The following EFCAB11 variants were observed in gnomAD, a reference collection of about 807,000 sequenced individuals.
The protein encoded by EFCAB11 is EF-hand calcium binding domain 11, also known as EF-hand calcium-binding domain-containing protein 11.
In EFCAB11, 14 loss-of-function variants were observed where a neutral mutation model predicts 23.0. That is an observed-to-expected ratio of 0.61 (90% CI 0.40 to 0.95). EFCAB11 has a LOEUF of 0.95. EFCAB11 is among the 40% of genes least tolerant of loss of function. The pLI is 0.00. For missense variants in EFCAB11, 198 were observed against 195.8 expected (o/e 1.01, Z -0.07); for synonymous variants, 65 against 66.6 (o/e 0.98, Z 0.11).
chr14:89,869,117 C>T (rs898411852), intron 5 of EFCAB11, among the ~76,000 whole-genome samples: 2 of 152,120 alleles, frequency 1.3e-5, no homozygotes, highest in African/African-American at 4.8e-5. Flanking sequence ...GCAGGAAGAT[C>T]ACTTGAGCCA....
At position 89,861,498 on chromosome 14, in the gene EFCAB11, C is replaced by T. The variant is rs1181554403; in HGVS notation, c.411-64174G>A. Among the ~76,000 whole-genome samples the T allele has an allele frequency of 2.0e-5, 3 of 152,198 alleles. No individual in the cohort carries two copies. The East Asian group carries it at 5.8e-4, about 29-fold the overall frequency. On this transcript the variant is annotated intron_variant, in intron 5 of 5. Coordinates refer to ENST00000316738, the MANE Select transcript of EFCAB11 (RefSeq NM_145231.4). ...GATGAAGACCTTTCTCATCATGTCC[C>T]TTCCTTGCCCAAGAATTAGTACATG...
At chr14:89,812,950 CAAT>C (rs1877825792) in intron 5 of EFCAB11, among the ~76,000 whole-genome samples, 1 of 151,760 alleles carries the variant, frequency 6.6e-6, no homozygotes, top group Non-Finnish European at 1.5e-5. Flanking sequence ...TAAAAGAAAA[CAAT>C]AAGCTGGAAA....
chr14:89,927,668 A>C (rs1423286098), intron 5 of EFCAB11, among the ~76,000 whole-genome samples: 2 of 151,794 alleles, frequency 1.3e-5, no homozygotes, highest in African/African-American at 4.8e-5. Flanking sequence ...GCCTACTTCA[A>C]TTTACACAAA....
At chr14:89,920,410 G>A (rs1889985847) in intron 5 of EFCAB11, among the ~76,000 whole-genome samples, 1 of 152,212 alleles carries the variant, frequency 6.6e-6, no homozygotes, top group Non-Finnish European at 1.5e-5. Flanking sequence ...CCTACCTTCA[G>A]GGTCTCTAAC....
At chr14:89,811,010 G>A (rs1886133711) in intron 5 of EFCAB11, among the ~76,000 whole-genome samples, 1 of 152,088 alleles carries the variant, frequency 6.6e-6, no homozygotes, top group Non-Finnish European at 1.5e-5. Context: ...AAGGTTCTAG[G>A]AGAGGGTGGG....
intron 5 of EFCAB11, among the ~76,000 whole-genome samples, chr14:89,823,671 A>G (rs1384800686): frequency 6.6e-6 from 1 of 152,226 alleles, no homozygotes; most frequent in East Asian, 1.9e-4. Flanking sequence ...GTTGACAAGA[A>G]CTTTTAATTA....
At chr14:89,814,586 C>T (rs1261088983) in intron 5 of EFCAB11, among the ~76,000 whole-genome samples, 1 of 152,052 alleles carries the variant, frequency 6.6e-6, no homozygotes, top group Non-Finnish European at 1.5e-5. Flanking sequence ...TGCCTGTAAT[C>T]CCAGCTACTC....
At chr14:89,902,509 T>C (rs1889371585) in intron 5 of EFCAB11, among the ~76,000 whole-genome samples, 1 of 152,128 alleles carries the variant, frequency 6.6e-6, no homozygotes, top group Non-Finnish European at 1.5e-5. Context: ...ATAACCACTT[T>C]CCAGTAGATT....
intron 5 of EFCAB11, among the ~76,000 whole-genome samples, chr14:89,797,936 T>G (rs1885631601): frequency 6.6e-6 from 1 of 151,380 alleles, no homozygotes; most frequent in African/African-American, 2.4e-5. Context: ...CCATCTCAAT[T>G]AAGAAAAAAA....
intron 5 of EFCAB11, among the ~76,000 whole-genome samples, chr14:89,824,046 T>C (rs1322166577): frequency 2.6e-5 from 4 of 152,008 alleles, no homozygotes; most frequent in Non-Finnish European, 4.4e-5. Flanking sequence ...TTGTGCAAAT[T>C]TGATGAAAAC....
At chr14:89,876,092 T>C (rs774944955) in intron 5 of EFCAB11, among the ~76,000 whole-genome samples, 1 of 152,136 alleles carries the variant, frequency 6.6e-6, no homozygotes, top group African/African-American at 2.4e-5. Flanking sequence ...GTGGAGCTGG[T>C]AGAAGTGACA....
intron 5 of EFCAB11, among the ~76,000 whole-genome samples, chr14:89,841,562 C>A (rs1406574380): frequency 1.3e-5 from 2 of 152,074 alleles, no homozygotes; most frequent in Non-Finnish European, 2.9e-5. Context: ...CTCCTCGTTA[C>A]TAAGTCAAAA....
chr14:89,799,199 G>A (rs538502291), intron 5 of EFCAB11: 5 of 152,306 alleles, frequency 3.3e-5, no homozygotes, highest in Admixed American at 6.5e-5. Flanking sequence ...TATTCATAAC[G>A]TGTGGGGTGG....
chr14:89,914,061 T>G (rs1889761371), intron 5 of EFCAB11, among the ~76,000 whole-genome samples: 1 of 152,228 alleles, frequency 6.6e-6, no homozygotes, highest in African/African-American at 2.4e-5. Flanking sequence ...AGCAACCCTG[T>G]GCTCCCTTCT....
chr14:89,872,324 C>A (rs530456569), intron 5 of EFCAB11, among the ~76,000 whole-genome samples: 5 of 152,156 alleles, frequency 3.3e-5, no homozygotes, highest in African/African-American at 4.8e-5. Flanking sequence ...GAAAGCCACA[C>A]GCGCAAAGGC....
In EFCAB11 at chr14:89,926,131, A is replaced by G. The variant is rs1189942362; in HGVS notation, c.410+5410T>C. 2.6e-5 allele frequency among the ~76,000 whole-genome samples: 4 copies of G among 152,314 alleles called. No homozygotes were observed. In the East Asian group the frequency reaches 7.7e-4, roughly 29 times the overall value. Reference sequence around the variant, plus strand: ...CACCCACCCGAAAGTTTTAAGTTTCAAACACTGAAAAAAGTCTCAAATTTT... The same window carrying G: ...CACCCACCCGAAAGTTTTAAGTTTCGAACACTGAAAAAAGTCTCAAATTTT... On this transcript the variant is annotated intron_variant, in intron 5 of 5. Coordinates refer to ENST00000316738, the MANE Select transcript of EFCAB11 (RefSeq NM_145231.4).
chr14:89,930,899 C>T (rs554611962), intron 5 of EFCAB11: 1 of 152,252 alleles, frequency 6.6e-6, no homozygotes, highest in Non-Finnish European at 1.5e-5. Context: ...GACAGCTCTG[C>T]TGTGTTCTCA....
At chr14:89,898,877 T>C (rs1173604431) in intron 5 of EFCAB11, among the ~76,000 whole-genome samples, 1 of 151,922 alleles carries the variant, frequency 6.6e-6, no homozygotes, top group Non-Finnish European at 1.5e-5. Context: ...TCCTGCTATG[T>C]TGCCCAGGCT....
intron 5 of EFCAB11, among the ~76,000 whole-genome samples, chr14:89,887,579 G>A (rs1439602252): frequency 6.6e-6 from 1 of 152,168 alleles, no homozygotes; most frequent in Non-Finnish European, 1.5e-5. Context: ...CAGTACTAAG[G>A]TATTAAATTG....
Sources: gnomAD v4.1 joint callset for allele counts (sites outside exome capture counted in the v4.1 genomes callset) on GRCh38, gnomAD v4.1.1 for gene constraint, MANE v1.5 for transcripts, NCBI Gene and HGNC (gene_info 2026-07-23, HGNC 2026-07-21) for gene names.